The following ZNF521 variants were observed in gnomAD, a reference collection of about 807,000 sequenced individuals.
ZNF521 encodes the protein LYST-interacting protein 3.
Under a neutral mutation model 105.5 loss-of-function variants are expected in ZNF521, and 14 were observed. The observed-to-expected ratio is 0.13, with a 90% confidence interval of 0.09 to 0.21. The LOEUF is 0.21. Ranked by LOEUF, ZNF521 falls within the 10% of genes least tolerant of loss-of-function variation. The pLI, the probability that ZNF521 is intolerant of heterozygous loss-of-function variation, is 1.00. For missense variants in ZNF521, 1,233 were observed against 1,629.7 expected (o/e 0.76, Z 4.19); for synonymous variants, 635 against 606.0 (o/e 1.05, Z -0.70).
intron 5 of ZNF521, among the ~76,000 whole-genome samples, chr18:25,128,665 A>G (rs577237897): frequency 2.6e-5 from 4 of 152,156 alleles, no homozygotes; most frequent in African/African-American, 7.2e-5. Context: ...ACAAGCAATG[A>G]GCAATAAGAA....
chr18:25,153,044 CAAAT>C (rs1159318046), intron 5 of ZNF521, among the ~76,000 whole-genome samples: 1 of 152,048 alleles, frequency 6.6e-6, no homozygotes, highest in Non-Finnish European at 1.5e-5. Flanking sequence ...TAGTTACTGA[CAAAT>C]AGTGAAACAG....
intron 3 of ZNF521, among the ~76,000 whole-genome samples, chr18:25,244,745 A>G (rs1012283535): frequency 6.6e-6 from 1 of 152,232 alleles, no homozygotes; most frequent in Non-Finnish European, 1.5e-5. Flanking sequence ...CTCCTCACAG[A>G]TGACTTTTTT....
Position 25,089,558 on chromosome 18 carries a change from C to T in ZNF521, c.3813G>A (p.Leu1271=). ...CFTVFVQANK[L]QQHIFSAHGQ... is the part of the protein sequence containing the mutation. The stretch of plus-strand genomic sequence containing the variant: ...CATGGGCAGAGAAAATATGCTGCTG[C>T]AACTTGTTTGCTTGAACAAATACTG... Residue 1271 remains leucine (L), a synonymous_variant, in exon 7 of 8, where the codon TTG becomes TTA. Coordinates refer to ENST00000361524, the MANE Select transcript of ZNF521 (RefSeq NM_015461.3). The T allele has an allele frequency of 6.2e-7, 1 of 1,614,020 alleles. No individual in the cohort carries two copies. The highest frequency in any genetic ancestry group is 1.3e-5 in the African/African-American group (1 of 75,048).
chr18:25,222,379 C>T (rs761204021), intron 4 of ZNF521, among the ~76,000 whole-genome samples: 9 of 152,122 alleles, frequency 5.9e-5, no homozygotes, highest in Non-Finnish European at 1.0e-4. Flanking sequence ...TGTCCTCATT[C>T]GTTTTTGAAA....
At chr18:25,161,403 G>A (rs1322255579) in intron 5 of ZNF521, among the ~76,000 whole-genome samples, 1 of 152,100 alleles carries the variant, frequency 6.6e-6, no homozygotes, top group Non-Finnish European at 1.5e-5. Flanking sequence ...AAAAAGAAAT[G>A]CCACTTTTTA....
At chr18:25,277,942 C>T (rs996299952) in intron 3 of ZNF521, among the ~76,000 whole-genome samples, 2 of 152,206 alleles carry the variant, frequency 1.3e-5, no homozygotes, top group African/African-American at 4.8e-5. Flanking sequence ...CCTACACCCA[C>T]AATCCAGTTA....
At chr18:25,212,508 TCAAAAA>T (rs1315328890) in intron 4 of ZNF521, among the ~76,000 whole-genome samples, 1 of 11,486 alleles carries the variant, frequency 8.7e-5, no homozygotes, top group African/African-American at 4.0e-4. Flanking sequence ...AGACTTAGTC[TCAAAAA>T]AAAAAAAAAA....
intron 2 of ZNF521, among the ~76,000 whole-genome samples, chr18:25,349,366 C>A (rs1914601858): frequency 6.6e-6 from 1 of 152,126 alleles, no homozygotes; most frequent in Non-Finnish European, 1.5e-5. Context: ...GTCTAGGTTT[C>A]CCCCAGAAAA....
rs183853733 is a variant in ZNF521 at position 25,335,036 on chromosome 18, G to A, written c.41-12849C>T. The stretch of plus-strand genomic sequence containing the variant: ...TTCAAACACAGGTCCACCAGGCAGC[G>A]GGTCCCTTGTGTCTACTCATTGTGA... On this transcript the variant is annotated intron_variant, in intron 2 of 7. Coordinates refer to ENST00000361524, the MANE Select transcript of ZNF521 (RefSeq NM_015461.3). 2.5e-3 allele frequency among the ~76,000 whole-genome samples: 387 copies of A among 152,202 alleles called. 2 individuals are homozygous for A. The highest frequency in any genetic ancestry group is 6.8e-3 in the Middle Eastern group (2 of 294).
At chr18:25,175,085 A>G (rs750179190) in intron 5 of ZNF521, among the ~76,000 whole-genome samples, 5 of 152,230 alleles carry the variant, frequency 3.3e-5, no homozygotes, top group Non-Finnish European at 5.9e-5. Flanking sequence ...ATTCTACACC[A>G]ATTTCCAAGG....
intron 3 of ZNF521, among the ~76,000 whole-genome samples, chr18:25,258,141 T>C (rs1165429074): frequency 1.3e-5 from 2 of 152,192 alleles, no homozygotes; most frequent in Non-Finnish European, 2.9e-5. Flanking sequence ...ATAAGAATAA[T>C]AATATTAAAA....
intron 5 of ZNF521, among the ~76,000 whole-genome samples, chr18:25,110,380 T>C (rs937444051): frequency 6.6e-6 from 1 of 151,736 alleles, no homozygotes; most frequent in African/African-American, 2.4e-5. Context: ...ATCCCAAAAG[T>C]GTGGGGTTTT....
chr18:25,316,195 G>C (rs889356820), intron 3 of ZNF521, among the ~76,000 whole-genome samples: 2 of 151,782 alleles, frequency 1.3e-5, no homozygotes, highest in African/African-American at 4.8e-5. Flanking sequence ...ACCATGGAAC[G>C]GGCAGGGAGA....
intron 5 of ZNF521, among the ~76,000 whole-genome samples, chr18:25,136,040 T>C (rs1407288198): frequency 4.6e-5 from 7 of 152,102 alleles, no homozygotes. Context: ...GACAGAAATA[T>C]TCCCCTTTTT....
At chr18:25,090,352 T>A (rs2144210974) in intron 6 of ZNF521, among the ~76,000 whole-genome samples, 1 of 152,316 alleles carries the variant, frequency 6.6e-6, no homozygotes, top group East Asian at 1.9e-4. Flanking sequence ...TTATTAAAGA[T>A]GTTGGCATTT....
At chr18:25,329,666 G>A (rs1168738182) in intron 2 of ZNF521, among the ~76,000 whole-genome samples, 1 of 152,202 alleles carries the variant, frequency 6.6e-6, no homozygotes, top group Non-Finnish European at 1.5e-5. Context: ...TGGAAAAGCG[G>A]CTAGAGCACG....
chr18:25,168,246 T>C (rs904504018), intron 5 of ZNF521, among the ~76,000 whole-genome samples: 5 of 152,138 alleles, frequency 3.3e-5, no homozygotes, highest in African/African-American at 1.2e-4. Context: ...GTGTCTGCTG[T>C]GGGGATAGCG....
chr18:25,330,490 A>G (rs1357909145), intron 2 of ZNF521, among the ~76,000 whole-genome samples: 1 of 152,118 alleles, frequency 6.6e-6, no homozygotes, highest in Non-Finnish European at 1.5e-5. Context: ...ACCTAGTACC[A>G]GAGGTTTCCA....
At chr18:25,313,234 T>C (rs1912420252) in intron 3 of ZNF521, among the ~76,000 whole-genome samples, 1 of 152,202 alleles carries the variant, frequency 6.6e-6, no homozygotes, top group African/African-American at 2.4e-5. Context: ...CAGTCTACAG[T>C]GTCCAGCAAA....
Sources: allele counts gnomAD v4.1 joint callset (sites outside exome capture counted in the v4.1 genomes callset), GRCh38; gene constraint gnomAD v4.1.1; transcripts MANE v1.5; gene names NCBI Gene and HGNC (gene_info 2026-07-23, HGNC 2026-07-21).